Variants in MYO5A observed in about 807,000 individuals in gnomAD.
The protein encoded by MYO5A is myosin VA.
In MYO5A, 98 loss-of-function variants were observed where a neutral mutation model predicts 249.7. The ratio of observed to expected loss-of-function variants is 0.39; its 90% CI spans 0.33 to 0.46. MYO5A has a LOEUF of 0.46. MYO5A is among the 20% of genes least tolerant of loss of function. The probability of loss-of-function intolerance (pLI) is 0.98; values close to 1 mark genes in which losing one functional copy is unlikely to be tolerated. For missense variants in MYO5A, 1,696 were observed against 2,308.8 expected, an observed-to-expected ratio of 0.73 and a Z score of 5.44; for synonymous variants, 778 against 810.6, an observed-to-expected ratio of 0.96 and a Z score of 0.68.
chr15:52,513,431 T>TAA (rs200250201), intron 1 of MYO5A, among the ~76,000 whole-genome samples: 7 of 119,054 alleles, frequency 5.9e-5, no homozygotes, highest in East Asian at 2.9e-4. Context: ...AACTCCATCT[T>TAA]AAAAAAAAAA....
intron 37 of MYO5A, among the ~76,000 whole-genome samples, chr15:52,321,792 T>TAAAAAAA (rs71875115): frequency 2.2e-4 from 20 of 92,836 alleles, no homozygotes; most frequent in African/African-American, 7.8e-4. Flanking sequence ...GGAACTTAAC[T>TAAAAAAA]AAAAAAAAAA....
chr15:52,487,746 T>A (rs2141522675), intron 1 of MYO5A, among the ~76,000 whole-genome samples: 1 of 151,830 alleles, frequency 6.6e-6, no homozygotes, highest in East Asian at 1.9e-4. Context: ...AAAAAAGTTT[T>A]ACACTATGAC....
At chr15:52,488,348 C>T (rs1188619510) in intron 1 of MYO5A, among the ~76,000 whole-genome samples, 6 of 152,142 alleles carry the variant, frequency 3.9e-5, no homozygotes, top group African/African-American at 7.2e-5. Context: ...GGCTGTAAAG[C>T]AGTTCATATT....
chr15:52,440,596 C>G (rs1177510375), intron 1 of MYO5A, among the ~76,000 whole-genome samples: 1 of 152,148 alleles, frequency 6.6e-6, no homozygotes, highest in Non-Finnish European at 1.5e-5. Flanking sequence ...TGGTATCTTA[C>G]CATGATGACA....
chr15:52,516,838 T>C (rs1482535720), intron 1 of MYO5A, among the ~76,000 whole-genome samples: 4 of 152,236 alleles, frequency 2.6e-5, no homozygotes, highest in East Asian at 1.9e-4. Context: ...TAACATATTA[T>C]CAGGTAATTT....
At chr15:52,371,924 CTTCCTGCCTTAGTTTTTGCAATT>C (rs1170332987) in intron 21 of MYO5A, among the ~76,000 whole-genome samples, 177 bp downstream of exon 21, 5 of 146,134 alleles carry the variant, frequency 3.4e-5, no homozygotes, top group African/African-American at 1.3e-4. Context: ...ATAATAATAA[CTTCCTGCCTTAGTTTTTGCAATT>C]GTGATCCACC....
intron 4 of MYO5A, among the ~76,000 whole-genome samples, chr15:52,424,696 T>C (rs17651397): frequency 6.6e-6 from 1 of 152,274 alleles, no homozygotes; most frequent in Non-Finnish European, 1.5e-5. Flanking sequence ...TTCCACCTTA[T>C]AAATTACTCG....
chr15:52,411,556 G>A, intron 5 of MYO5A, among the ~76,000 whole-genome samples: 1 of 151,274 alleles, frequency 6.6e-6, no homozygotes, highest in Middle Eastern at 3.5e-3. Flanking sequence ...AAAAGATGTA[G>A]TTAGAAAACC....
At chr15:52,509,413 T>C (rs2077345486) in intron 1 of MYO5A, among the ~76,000 whole-genome samples, 1 of 152,224 alleles carries the variant, frequency 6.6e-6, no homozygotes, top group Non-Finnish European at 1.5e-5. Context: ...TGTTTAATAA[T>C]GCATCTTTCT....
chr15:52,464,233 A>T (rs2076309984), intron 1 of MYO5A, among the ~76,000 whole-genome samples: 1 of 152,024 alleles, frequency 6.6e-6, no homozygotes, highest in Admixed American at 6.6e-5. Flanking sequence ...CCTTTACTAT[A>T]CTCTACGATG....
At chr15:52,433,413 C>CTA in intron 1 of MYO5A, 128 bp from the exon 2 acceptor site, 1 of 273,786 alleles carries the variant, frequency 3.7e-6, no homozygotes, top group South Asian at 2.8e-5. Flanking sequence ...ATGAAATTCA[C>CTA]TTTTTTTTTT....
In MYO5A at chr15:52,310,615, A is replaced by AT. The variant is rs1389774424; in HGVS notation, c.*3080_*3081insA. 7 of 152,332 alleles carry AT rather than the reference A, an allele frequency of 4.6e-5. No homozygotes were observed. Among genetic ancestry groups the AT allele is most frequent in the African/African-American group, 1.7e-4 (7 of 41,472 alleles). The allele number at this position is 152,332 out of a possible 1,614,324, so 9.4% of individuals were successfully genotyped here. On this transcript the variant is annotated 3_prime_UTR_variant, in exon 42 of 42. Coordinates refer to ENST00000399233, the MANE Select transcript of MYO5A (RefSeq NM_001382347.1). ...AAGCACCAGGAAGGCCAGCAGGGGCAACTGAGGACTGACTCCATCCACCTG... is the reference window on the plus strand; with the variant it reads ...AAGCACCAGGAAGGCCAGCAGGGGCATACTGAGGACTGACTCCATCCACCTG...
chr15:52,422,852 G>A (rs2075309739), intron 4 of MYO5A, among the ~76,000 whole-genome samples: 1 of 152,152 alleles, frequency 6.6e-6, no homozygotes, highest in Admixed American at 6.5e-5. Flanking sequence ...GAGTAGCTGG[G>A]ACTAAAGGCA....
At chr15:52,507,804 CAAA>C (rs57445300) in intron 1 of MYO5A, among the ~76,000 whole-genome samples, 3 of 102,952 alleles carry the variant, frequency 2.9e-5, no homozygotes. Context: ...ACCCTGTCCC[CAAA>C]AAAAAAAAAA....
chr15:52,429,444 T>C (rs1359898929), intron 2 of MYO5A, among the ~76,000 whole-genome samples: 1 of 151,914 alleles, frequency 6.6e-6, no homozygotes, highest in African/African-American at 2.4e-5. Context: ...ATCCCAACAC[T>C]TTGGGAGGCC....
intron 6 of MYO5A, among the ~76,000 whole-genome samples, chr15:52,409,762 T>C (rs1165944274): frequency 6.6e-6 from 1 of 152,172 alleles, no homozygotes; most frequent in African/African-American, 2.4e-5. Flanking sequence ...TGGAAATATA[T>C]AGTATCTCCC....
chr15:52,518,959 A>G (rs570864262), intron 1 of MYO5A, among the ~76,000 whole-genome samples: 1 of 152,278 alleles, frequency 6.6e-6, no homozygotes, highest in South Asian at 2.1e-4. Context: ...ATTTTATTCC[A>G]TTATAGGTGT....
Position 52,384,262 on chromosome 15 carries a change from T to C in MYO5A, c.1813A>G (p.Thr605Ala). The C allele has an allele frequency of 6.2e-7, 1 of 1,614,142 alleles. No individual in the cohort carries two copies. The highest frequency in any genetic ancestry group is 8.5e-7 in the Non-Finnish European group (1 of 1,180,008). Residue 605 changes from threonine to alanine, a missense_variant, in exon 15 of 42, where the codon ACC becomes GCC. Physicochemically the swap from Thr to Ala is moderately conservative, Grantham distance 58. This residue lies in a region of MYO5A where 277 missense variants were observed against 422.4 expected (regional missense o/e 0.66). Coordinates refer to ENST00000399233, the MANE Select transcript of MYO5A (RefSeq NM_001382347.1). ...GTGAGGGGTGTGCGCCCTGAGGAGG[T>C]GGCTGAAGTTGGACTGATGGCCTTC... Reference protein sequence around the residue: ...DEKAISPTSATSSGRTPLTRT... With the variant: ...DEKAISPTSAASSGRTPLTRT...
chr15:52,400,686 A>G (rs1014018493), intron 9 of MYO5A, among the ~76,000 whole-genome samples: 2 of 152,176 alleles, frequency 1.3e-5, no homozygotes, highest in Non-Finnish European at 2.9e-5. Context: ...GGGCAGAAAT[A>G]CCAGAGAAGT....
Sources: gnomAD v4.1 joint callset for allele counts (sites outside exome capture counted in the v4.1 genomes callset) on GRCh38, gnomAD v4.1.1 for gene constraint, gnomAD v4.1.1 regional missense constraint, MANE v1.5 for transcripts, NCBI Gene and HGNC (gene_info 2026-07-23, HGNC 2026-07-21) for gene names.